The following HIPK2 variants were observed in gnomAD, a reference collection of about 807,000 sequenced individuals.
HIPK2 encodes homeodomain interacting protein kinase 2.
Under a neutral mutation model 113.7 loss-of-function variants are expected in HIPK2, and 27 were observed. That is an observed-to-expected ratio of 0.24 (90% CI 0.17 to 0.33). HIPK2 has a LOEUF of 0.33. Ranked by LOEUF, HIPK2 falls within the 10% of genes least tolerant of loss-of-function variation. HIPK2 has a pLI of 1.00. For missense variants in HIPK2, 1,257 were observed against 1,588.0 expected (o/e 0.79, Z 3.54); for synonymous variants, 631 against 642.2 (o/e 0.98, Z 0.26).
Position 139,571,720 on chromosome 7 carries a change from T to C in HIPK2, c.*1207A>G, listed in dbSNP as rs1244369745. 6.6e-6 allele frequency: 1 copy of C among 151,906 alleles called. No individual in the cohort carries two copies. The highest frequency in any genetic ancestry group is 6.6e-5 in the Admixed American group (1 of 15,266). The allele number at this position is 151,906 out of a possible 1,614,324, so 9.4% of individuals were successfully genotyped here. A position where few individuals can be genotyped will look rare whatever the true frequency, so the allele number is the denominator to read the frequency against. On this transcript the variant is annotated 3_prime_UTR_variant, in exon 15 of 15. Transcript: ENST00000406875. ...CAACAGCACAACAGAAGAGCTGAGA[T>C]TGTGTCTGACTAGCCTCAGTTTCTT...
chr7:139,680,693 T>C (rs1437279499), intron 2 of HIPK2, among the ~76,000 whole-genome samples: 1 of 152,260 alleles, frequency 6.6e-6, no homozygotes, highest in East Asian at 1.9e-4. Flanking sequence ...ACCTTTTTCA[T>C]GTCTGTGGCA....
At chr7:139,619,591 C>T (rs182835483) in intron 7 of HIPK2, among the ~76,000 whole-genome samples, 2 of 152,302 alleles carry the variant, frequency 1.3e-5, no homozygotes, top group East Asian at 3.9e-4. Context: ...GGCTGATGAA[C>T]TGATTTTCTC....
chr7:139,646,923 C>G (rs1801253642), intron 2 of HIPK2, among the ~76,000 whole-genome samples: 1 of 152,060 alleles, frequency 6.6e-6, no homozygotes, highest in Non-Finnish European at 1.5e-5. Flanking sequence ...CAGGCTTCCC[C>G]TCCGCACCTC....
Position 139,571,420 on chromosome 7 carries a change from TGGGGCA to T in HIPK2, c.*1501_*1506del, listed in dbSNP as rs1349110799. The T allele has an allele frequency of 1.3e-5, 2 of 151,938 alleles. No individual in the cohort carries two copies. Among genetic ancestry groups the T allele is most frequent in the Non-Finnish European group, 2.9e-5 (2 of 68,004 alleles). The allele number at this position is 151,938 out of a possible 1,614,324, so 9.4% of individuals were successfully genotyped here. ...ACAAATGGCGGAACTGGGGACAGAGTGGGGCAGGGGTGAAGGGTGGGGAGTCTCTCT... is the reference window on the plus strand; with the variant it reads ...ACAAATGGCGGAACTGGGGACAGAGTGGGGTGAAGGGTGGGGAGTCTCTCT... On this transcript the variant is annotated 3_prime_UTR_variant, in exon 15 of 15. Coordinates refer to ENST00000406875, the MANE Select transcript of HIPK2 (RefSeq NM_022740.5).
At chr7:139,723,800 T>C (rs975695516) in intron 1 of HIPK2, among the ~76,000 whole-genome samples, 5 of 152,184 alleles carry the variant, frequency 3.3e-5, no homozygotes, top group Admixed American at 2.6e-4. Context: ...ATCTCTAAAA[T>C]AGTGGCACCA....
chr7:139,598,344 T>A (rs182378267), intron 11 of HIPK2, among the ~76,000 whole-genome samples: 124 of 152,380 alleles, frequency 8.1e-4, no homozygotes, highest in Admixed American at 2.7e-3. Flanking sequence ...ATCTAGCTAG[T>A]GCCAGATACA....
intron 12 of HIPK2, among the ~76,000 whole-genome samples, chr7:139,595,378 G>A (rs1194469578): frequency 2.6e-5 from 4 of 152,130 alleles, no homozygotes; most frequent in African/African-American, 9.7e-5. Context: ...TGCGGAGAAT[G>A]GACCATTCAC....
chr7:139,753,894 C>T (rs1449685064), intron 1 of HIPK2, among the ~76,000 whole-genome samples: 1 of 152,240 alleles, frequency 6.6e-6, no homozygotes, highest in East Asian at 1.9e-4. Flanking sequence ...CAGATTGCCC[C>T]ATTTAGGGAG....
intron 2 of HIPK2, among the ~76,000 whole-genome samples, chr7:139,655,793 G>A (rs776045956): frequency 6.6e-6 from 1 of 152,140 alleles, no homozygotes; most frequent in Non-Finnish European, 1.5e-5. Context: ...CTTGTAATGG[G>A]CAACTGGAGA....
chr7:139,723,194 CTTTT>C (rs71170911), intron 1 of HIPK2, among the ~76,000 whole-genome samples: 6 of 133,094 alleles, frequency 4.5e-5, no homozygotes, highest in Admixed American at 7.5e-5. Context: ...TTTCTTTCTT[CTTTT>C]TTTTTTTTTT....
intron 2 of HIPK2, among the ~76,000 whole-genome samples, chr7:139,643,411 T>C (rs1431206886): frequency 6.9e-6 from 1 of 144,228 alleles, no homozygotes; most frequent in East Asian, 2.0e-4. Context: ...CACACACACA[T>C]TTTCACACTG....
intron 7 of HIPK2, among the ~76,000 whole-genome samples, chr7:139,619,111 T>G (rs1049874545): frequency 6.6e-6 from 1 of 151,864 alleles, no homozygotes; most frequent in African/African-American, 2.4e-5. Flanking sequence ...CAAAGGGAGA[T>G]GGCAGGCTGG....
chr7:139,706,375 T>A (rs1374327359), intron 2 of HIPK2, among the ~76,000 whole-genome samples: 1 of 152,124 alleles, frequency 6.6e-6, no homozygotes. Flanking sequence ...TGAAAGTTCC[T>A]GCATGAAAGA....
At position 139,686,309 on chromosome 7, in the gene HIPK2, C is replaced by T. The variant is rs147595579; in HGVS notation, c.1103+29623G>A. The stretch of plus-strand genomic sequence containing the variant: ...TGGATGAGGAGTTGCTTCTTATGAA[C>T]GAGCAAAAAAAGTAGTTTCTTGAGA... On this transcript the variant is annotated intron_variant, in intron 2 of 14. Coordinates refer to ENST00000406875, the MANE Select transcript of HIPK2 (RefSeq NM_022740.5). 2.9e-3 allele frequency among the ~76,000 whole-genome samples: 439 copies of T among 152,126 alleles called. 1 individual carries two copies. Among genetic ancestry groups the T allele is most frequent in the Non-Finnish European group, 3.4e-3 (233 of 67,988 alleles).
chr7:139,737,743 C>A (rs910737510), intron 1 of HIPK2, among the ~76,000 whole-genome samples: 1 of 152,170 alleles, frequency 6.6e-6, no homozygotes, highest in Admixed American at 6.5e-5. Context: ...CAAAATGAGC[C>A]TTTTCTTAGT....
intron 2 of HIPK2, among the ~76,000 whole-genome samples, chr7:139,647,405 G>C (rs1441092509): frequency 1.3e-5 from 2 of 152,198 alleles, no homozygotes; most frequent in Non-Finnish European, 2.9e-5. Flanking sequence ...CTGAGTAGCT[G>C]ATTGTGTGAA....
At chr7:139,652,558 G>A (rs1168693375) in intron 2 of HIPK2, among the ~76,000 whole-genome samples, 1 of 152,188 alleles carries the variant, frequency 6.6e-6, no homozygotes, top group Non-Finnish European at 1.5e-5. Flanking sequence ...TGCCAGCTAC[G>A]TTTAGAGGGA....
chr7:139,588,146 C>T (rs1379970664), intron 12 of HIPK2, among the ~76,000 whole-genome samples: 12 of 151,970 alleles, frequency 7.9e-5, no homozygotes, highest in East Asian at 7.8e-4. Flanking sequence ...TGCAAAACCC[C>T]GTCTCTACTA....
At chr7:139,717,815 G>A (rs1472977508) in intron 1 of HIPK2, among the ~76,000 whole-genome samples, 3 of 152,026 alleles carry the variant, frequency 2.0e-5, no homozygotes, top group Non-Finnish European at 4.4e-5. Flanking sequence ...CATGATCTCG[G>A]CTCACTGCCA....
Sources: gnomAD v4.1 joint callset for allele counts (sites outside exome capture counted in the v4.1 genomes callset) on GRCh38, gnomAD v4.1.1 for gene constraint, MANE v1.5 for transcripts, NCBI Gene and HGNC (gene_info 2026-07-23, HGNC 2026-07-21) for gene names.